Variants in EFCAB6 observed in about 807,000 individuals in gnomAD.
The protein encoded by EFCAB6 is EF-hand calcium binding domain 6, also known as EF-hand calcium-binding domain-containing protein 6.
A neutral mutation model predicts 169.8 loss-of-function variants in EFCAB6; 156 were observed. That is an observed-to-expected ratio of 0.92 (90% CI 0.81 to 1.05). The LOEUF is 1.05. EFCAB6 is among the 50% of genes least tolerant of loss of function. EFCAB6 has a pLI of 0.00. For synonymous variants in EFCAB6, 698 were observed against 676.4 expected (o/e 1.03, Z -0.50); for missense variants, 1,800 against 1,829.1 (o/e 0.98, Z 0.29).
intron 22 of EFCAB6, among the ~76,000 whole-genome samples, chr22:43,607,483 A>G (rs144478202): frequency 3.3e-4 from 50 of 152,302 alleles, no homozygotes; most frequent in Middle Eastern, 3.4e-3. Context: ...CTACTCCACA[A>G]AGATCTGCCT....
chr22:43,606,389 G>A (rs920026123), intron 22 of EFCAB6, among the ~76,000 whole-genome samples: 3 of 152,192 alleles, frequency 2.0e-5, no homozygotes, highest in East Asian at 1.9e-4. Context: ...CTGCAAAGGC[G>A]CAGACCCAGT....
At chr22:43,659,831 G>A (rs1175563891) in intron 17 of EFCAB6, among the ~76,000 whole-genome samples, 1 of 152,222 alleles carries the variant, frequency 6.6e-6, no homozygotes, top group African/African-American at 2.4e-5. Flanking sequence ...AAGGGAGGAA[G>A]TGCTCTGCAC....
chr22:43,529,112 C>G, intron 31 of EFCAB6, 137 bp from the exon 32 acceptor site: 1 of 1,042,278 alleles, frequency 9.6e-7, no homozygotes, highest in Non-Finnish European at 1.3e-6. Context: ...CATCTGTGCG[C>G]TCTCTCTATG....
At chr22:43,804,487 C>A (rs1029772474) in intron 2 of EFCAB6, among the ~76,000 whole-genome samples, 1 of 152,086 alleles carries the variant, frequency 6.6e-6, no homozygotes, top group Non-Finnish European at 1.5e-5. Flanking sequence ...TGACTGGACA[C>A]GGTGGCTCAC....
rs376056790 is a variant in EFCAB6, at chr22:43,600,648, G to A, written c.2682-385C>T. ...TCAACCCCTCCATACGTTTAGCAGG[G>A]TTTTTTTTTTGTTTTTTGTTTTGTT... On this transcript the variant is annotated intron_variant, in intron 22 of 31. Transcript: ENST00000262726. Among the ~76,000 whole-genome samples the A allele has an allele frequency of 9.3e-3, 1,409 of 150,894 alleles. 16 individuals are homozygous for A. Among genetic ancestry groups the A allele is most frequent in the African/African-American group, 0.032 (1,323 of 41,146 alleles).
At chr22:43,685,912 G>T (rs1397975127) in intron 11 of EFCAB6, among the ~76,000 whole-genome samples, 1 of 152,122 alleles carries the variant, frequency 6.6e-6, no homozygotes, top group Non-Finnish European at 1.5e-5. Context: ...AGTGGCCTCT[G>T]AAGTGTTCTA....
intron 24 of EFCAB6, among the ~76,000 whole-genome samples, chr22:43,587,232 C>T (rs756852374): frequency 3.9e-5 from 6 of 152,172 alleles, no homozygotes; most frequent in Non-Finnish European, 5.9e-5. Flanking sequence ...GTATATTCTC[C>T]GGAGATGTTG....
At chr22:43,656,508 T>C (rs1383852956) in intron 17 of EFCAB6, among the ~76,000 whole-genome samples, 1 of 152,190 alleles carries the variant, frequency 6.6e-6, no homozygotes, top group East Asian at 1.9e-4. Context: ...ATAATGGCAT[T>C]TTGGTCAGCA....
chr22:43,775,879 C>G (rs1378283611), intron 3 of EFCAB6, among the ~76,000 whole-genome samples: 2 of 152,250 alleles, frequency 1.3e-5, no homozygotes, highest in Non-Finnish European at 2.9e-5. Flanking sequence ...GCTGCATCAA[C>G]TGCTAGCCAT....
chr22:43,667,101 T>C lies in EFCAB6; in HGVS notation c.1983+3A>G, dbSNP rs1159686596. 2 of 1,612,630 alleles carry C rather than the reference T, an allele frequency of 1.2e-6. No homozygotes were observed. Among genetic ancestry groups the C allele is most frequent in the South Asian group, 1.1e-5 (1 of 90,864 alleles). On this transcript the variant is annotated splice_donor_region_variant and intron_variant, in intron 17 of 31. Transcript: ENST00000262726. ...AGAAACAAAGAGAAACCCATTCTCC[T>C]ACCTTCTTAAAGTCATGCACGTTAA...
intron 17 of EFCAB6, among the ~76,000 whole-genome samples, chr22:43,649,891 G>C (rs989050924): frequency 6.6e-6 from 1 of 152,198 alleles, no homozygotes; most frequent in Non-Finnish European, 1.5e-5. Flanking sequence ...GGCAGACAGA[G>C]AAGCAAGTAA....
At chr22:43,723,909 A>C (rs2059627902) in intron 8 of EFCAB6, among the ~76,000 whole-genome samples, 1 of 152,206 alleles carries the variant, frequency 6.6e-6, no homozygotes, top group Non-Finnish European at 1.5e-5. Context: ...GGTAATTGCC[A>C]AAAACCATTC....
At chr22:43,706,717 T>G (rs1209323318) in intron 10 of EFCAB6, among the ~76,000 whole-genome samples, 2 of 152,214 alleles carry the variant, frequency 1.3e-5, no homozygotes, top group African/African-American at 2.4e-5. Flanking sequence ...AAGTGCTGTT[T>G]GCTTTCTCTG....
At chr22:43,540,668 G>C (rs2047662536) in intron 27 of EFCAB6, 1 of 871,766 alleles carries the variant, frequency 1.1e-6, no homozygotes, top group South Asian at 1.7e-5. Context: ...CTGAGCTGCA[G>C]TGTATTCGAA....
intron 3 of EFCAB6, among the ~76,000 whole-genome samples, chr22:43,776,501 G>A (rs1232517979): frequency 6.6e-6 from 1 of 152,192 alleles, no homozygotes; most frequent in Non-Finnish European, 1.5e-5. Context: ...GCAGAGTGCA[G>A]CTGGGGGCTG....
At chr22:43,597,627 C>T (rs1177826007) in intron 23 of EFCAB6, among the ~76,000 whole-genome samples, 1 of 152,168 alleles carries the variant, frequency 6.6e-6, no homozygotes. Flanking sequence ...AGGTGGAACA[C>T]TCATCCACTG....
chr22:43,661,344 T>G (rs1270528394), intron 17 of EFCAB6, among the ~76,000 whole-genome samples: 1 of 152,112 alleles, frequency 6.6e-6, no homozygotes, highest in African/African-American at 2.4e-5. Context: ...ACCATTGCAC[T>G]CCAGCCTGGG....
At position 43,555,018 on chromosome 22, in the gene EFCAB6, G is replaced by A; in HGVS notation, c.3499C>T (p.Leu1167=). 1 of 1,614,256 alleles carries A rather than the reference G, an allele frequency of 6.2e-7. No homozygotes were observed. The highest frequency in any genetic ancestry group is 1.3e-5 in the African/African-American group (1 of 75,062). Reference sequence around the variant, plus strand: ...GTCACTGCTTTGTGGAGGCGAGCCAGGATGTCTCTGTCGGCTGTGGCCTTG... The same window carrying A: ...GTCACTGCTTTGTGGAGGCGAGCCAAGATGTCTCTGTCGGCTGTGGCCTTG... ...SPKATADRDI[L]ARLHKAVTSH... Residue 1167 remains leucine, a synonymous_variant, in exon 27 of 32, where the codon CTG becomes TTG. Coordinates refer to ENST00000262726, the MANE Select transcript of EFCAB6 (RefSeq NM_022785.4).
chr22:43,620,188 C>CT (rs2054020581), intron 20 of EFCAB6, among the ~76,000 whole-genome samples: 1 of 152,018 alleles, frequency 6.6e-6, no homozygotes, highest in Non-Finnish European at 1.5e-5. Context: ...TGGTGCTCAC[C>CT]TGTGATTGCA....
Sources: allele counts gnomAD v4.1 joint callset (sites outside exome capture counted in the v4.1 genomes callset), GRCh38; gene constraint gnomAD v4.1.1; transcripts MANE v1.5; gene names NCBI Gene and HGNC (gene_info 2026-07-23, HGNC 2026-07-21).